Variants in POU6F2 observed in about 807,000 individuals in gnomAD.
POU6F2 encodes the protein POU class 6 homeobox 2.
Under a neutral mutation model 71.3 loss-of-function variants are expected in POU6F2, and 31 were observed. The observed-to-expected ratio is 0.43, with a 90% CI of 0.33 to 0.59. POU6F2 has a LOEUF of 0.59. Among genes scored for constraint, POU6F2 ranks in the 20% least tolerant of loss-of-function variants. The pLI, the probability that POU6F2 is intolerant of heterozygous loss-of-function variation, is 0.04. For synonymous variants in POU6F2, 347 were observed against 355.7 expected, an observed-to-expected ratio of 0.98 and a Z score of 0.27; for missense variants, 783 against 856.8, an observed-to-expected ratio of 0.91 and a Z score of 1.07.
In POU6F2 at chr7:39,268,473, C is replaced by T. The variant is rs536408814; in HGVS notation, c.598+60853C>T. Among the ~76,000 whole-genome samples the T allele has an allele frequency of 6.8e-4, 104 of 152,034 alleles. 1 individual carries two copies. The South Asian group carries it at 0.019, about 28-fold the overall frequency. ...ATGACTTTCAGTGGCTTTTTTTAAG[C>T]GGAGAGATAGAACTGCTGTTAAGTT... On this transcript the variant is annotated intron_variant, in intron 4 of 9. Transcript: ENST00000518318.
At chr7:39,267,176 G>A (rs73695235) in intron 4 of POU6F2, among the ~76,000 whole-genome samples, 9,440 of 152,192 alleles carry the variant, frequency 0.062, 371 homozygotes, top group South Asian at 0.17. Context: ...TAAAAATAAG[G>A]GGTGAATAGA....
chr7:39,035,703 C>T (rs547079701), intron 1 of POU6F2, among the ~76,000 whole-genome samples: 1 of 150,630 alleles, frequency 6.6e-6, no homozygotes, highest in African/African-American at 2.4e-5. Context: ...ACATTTGCCA[C>T]TGAATTGCTA....
At chr7:39,142,039 A>T (rs1176225457) in intron 2 of POU6F2, among the ~76,000 whole-genome samples, 1 of 152,074 alleles carries the variant, frequency 6.6e-6, no homozygotes, top group East Asian at 1.9e-4. Flanking sequence ...GTGAGCGGAG[A>T]TCGTGCCACT....
At chr7:39,036,759 A>G (rs995698655) in intron 1 of POU6F2, among the ~76,000 whole-genome samples, 2 of 151,962 alleles carry the variant, frequency 1.3e-5, no homozygotes, top group African/African-American at 4.8e-5. Flanking sequence ...ATGTCATTTT[A>G]TATTTGACAA....
intron 5 of POU6F2, among the ~76,000 whole-genome samples, chr7:39,384,877 A>C (rs1299246442): frequency 1.3e-5 from 2 of 152,264 alleles, no homozygotes; most frequent in Admixed American, 1.3e-4. Context: ...AAGTTGATTC[A>C]GAACACATTT....
At chr7:39,451,774 G>GTC (rs1353148971) in intron 8 of POU6F2, 73 bp downstream of exon 8, 8 of 1,456,538 alleles carry the variant, frequency 5.5e-6, no homozygotes, top group African/African-American at 1.4e-5. Context: ...CTTCCTTCTT[G>GTC]TCTCTCTCTC....
At chr7:39,035,330 T>G (rs1015286275) in intron 1 of POU6F2, among the ~76,000 whole-genome samples, 10 of 152,130 alleles carry the variant, frequency 6.6e-5, no homozygotes, top group African/African-American at 2.4e-4. Context: ...TTTATGAGTT[T>G]TTCTTCATCA....
chr7:39,021,484 A>T (rs1304829498), intron 1 of POU6F2, among the ~76,000 whole-genome samples: 1 of 152,024 alleles, frequency 6.6e-6, no homozygotes, highest in Admixed American at 6.6e-5. Flanking sequence ...TTTTATTGAA[A>T]GTATCTGAAA....
At chr7:39,310,493 A>G (rs1305007297) in intron 4 of POU6F2, among the ~76,000 whole-genome samples, 2 of 152,228 alleles carry the variant, frequency 1.3e-5, no homozygotes, top group Non-Finnish European at 2.9e-5. Context: ...TAGATATCCA[A>G]ATCCTCAAGT....
At chr7:39,192,114 T>C (rs1793681932) in intron 2 of POU6F2, among the ~76,000 whole-genome samples, 2 of 152,232 alleles carry the variant, frequency 1.3e-5, no homozygotes, top group South Asian at 2.1e-4. Context: ...TGTGGTGTTG[T>C]CTGTTATAGA....
chr7:39,203,947 G>T (rs940358588), intron 2 of POU6F2, among the ~76,000 whole-genome samples: 10 of 152,094 alleles, frequency 6.6e-5, no homozygotes, highest in Admixed American at 6.6e-4. Flanking sequence ...AACTAGATTA[G>T]CTGTGGCTCG....
intron 4 of POU6F2, among the ~76,000 whole-genome samples, chr7:39,209,126 A>G (rs1213072582): frequency 1.3e-5 from 2 of 152,010 alleles, no homozygotes. Context: ...TGTTTTTTTA[A>G]GGGTTCAAAA....
intron 2 of POU6F2, among the ~76,000 whole-genome samples, chr7:39,197,575 A>G (rs1351506866): frequency 2.6e-5 from 4 of 152,236 alleles, no homozygotes; most frequent in Non-Finnish European, 5.9e-5. Context: ...GAGCCCAGCT[A>G]TCAGTTGTAA....
chr7:39,444,578 T>C (rs1788480470), intron 7 of POU6F2, among the ~76,000 whole-genome samples: 1 of 152,254 alleles, frequency 6.6e-6, no homozygotes, highest in Non-Finnish European at 1.5e-5. Context: ...CGTGAGACAC[T>C]GTCTCAAACA....
At chr7:39,332,488 A>G (rs901015844) in intron 4 of POU6F2, among the ~76,000 whole-genome samples, 1 of 152,224 alleles carries the variant, frequency 6.6e-6, no homozygotes, top group Non-Finnish European at 1.5e-5. Flanking sequence ...AATTATGTAA[A>G]GAGAAGATGT....
rs546932135 is a variant in POU6F2 at position 39,098,160 on chromosome 7, A to G, written c.277+12129A>G. 3.4e-3 allele frequency among the ~76,000 whole-genome samples: 513 copies of G among 152,216 alleles called. 1 individual carries two copies. Among genetic ancestry groups the G allele is most frequent in the Non-Finnish European group, 5.0e-3 (337 of 67,988 alleles). On this transcript the variant is annotated intron_variant, in intron 2 of 9. Coordinates refer to ENST00000518318, the MANE Select transcript of POU6F2 (RefSeq NM_001370959.1). The stretch of plus-strand genomic sequence containing the variant: ...TCTTTTCTGCCTTTATTCTCCTCCC[A>G]AAATTCTTGTTTGTCTTATATATTT...
chr7:39,103,716 G>A (rs1306359066), intron 2 of POU6F2, among the ~76,000 whole-genome samples: 1 of 152,108 alleles, frequency 6.6e-6, no homozygotes, highest in African/African-American at 2.4e-5. Context: ...GTAAGCCAGG[G>A]TAGTTTTGTG....
intron 2 of POU6F2, among the ~76,000 whole-genome samples, chr7:39,202,292 A>G (rs1460692671): frequency 1.3e-5 from 2 of 152,212 alleles, no homozygotes; most frequent in African/African-American, 4.8e-5. Context: ...ATGAAAGAAA[A>G]AAGAGACAGA....
chr7:39,167,920 G>A (rs75391335), intron 2 of POU6F2, among the ~76,000 whole-genome samples: 2 of 151,872 alleles, frequency 1.3e-5, no homozygotes, highest in African/African-American at 4.8e-5. Context: ...TTTGTGTTAT[G>A]TTAAGTAAGG....
Sources: gnomAD v4.1 joint callset for allele counts (sites outside exome capture counted in the v4.1 genomes callset) on GRCh38, gnomAD v4.1.1 for gene constraint, MANE v1.5 for transcripts, NCBI Gene and HGNC (gene_info 2026-07-23, HGNC 2026-07-21) for gene names.